The following RABGAP1L variants were observed in gnomAD, a reference collection of about 807,000 sequenced individuals.
RABGAP1L encodes rab GTPase-activating protein 1-like.
A neutral mutation model predicts 137.7 loss-of-function variants in RABGAP1L; 63 were observed. The ratio of observed to expected loss-of-function variants is 0.46; its 90% CI spans 0.37 to 0.56. The LOEUF (loss-of-function observed/expected upper bound fraction) is 0.56, where lower values mean the gene tolerates loss of function less well. Ranked by LOEUF, RABGAP1L falls within the 20% of genes least tolerant of loss-of-function variation. RABGAP1L has a pLI of 0.00. For missense variants in RABGAP1L, 1,095 were observed against 1,244.0 expected (o/e 0.88, Z 1.80); for synonymous variants, 431 against 433.7 (o/e 0.99, Z 0.08).
chr1:174,359,969 A>G (rs1318599641), intron 11 of RABGAP1L, among the ~76,000 whole-genome samples: 2 of 152,096 alleles, frequency 1.3e-5, no homozygotes, highest in African/African-American at 2.4e-5. Context: ...TTTCCATCCA[A>G]CTGTTTGGCC....
intron 13 of RABGAP1L, among the ~76,000 whole-genome samples, chr1:174,434,153 C>CACT (rs1400714615): frequency 8.4e-5 from 9 of 106,668 alleles, no homozygotes; most frequent in Admixed American, 8.1e-4. Flanking sequence ...ACACACACAC[C>CACT]CTGCCTGGGG....
chr1:174,318,838 CT>C (rs1679671322), intron 11 of RABGAP1L, among the ~76,000 whole-genome samples: 1 of 151,736 alleles, frequency 6.6e-6, no homozygotes, highest in African/African-American at 2.4e-5. Context: ...GCTTAACTAA[CT>C]GCATTAAAAA....
In RABGAP1L at chr1:174,612,338, G is replaced by C. The variant is rs1671332926; in HGVS notation, c.1711-25037G>C. 3.3e-5 allele frequency among the ~76,000 whole-genome samples: 5 copies of C among 152,160 alleles called. 1 individual carries two copies. In the South Asian group the frequency reaches 1.0e-3, roughly 32 times the overall value. On this transcript the variant is annotated intron_variant, in intron 13 of 25. Transcript: ENST00000681986. Reference sequence around the variant, plus strand: ...TCATGTGATTTTTATCTTTGGTTCTGTTTATATGCTGGATTACATTTATTG... The same window carrying C: ...TCATGTGATTTTTATCTTTGGTTCTCTTTATATGCTGGATTACATTTATTG...
chr1:174,240,565 T>C (rs1000623316), intron 4 of RABGAP1L, among the ~76,000 whole-genome samples: 1 of 152,156 alleles, frequency 6.6e-6, no homozygotes, highest in African/African-American at 2.4e-5. Context: ...AGGATTTGTG[T>C]AGGGAAAGTC....
intron 10 of RABGAP1L, among the ~76,000 whole-genome samples, chr1:174,297,699 G>A (rs1677257423): frequency 6.6e-6 from 1 of 152,142 alleles, no homozygotes; most frequent in South Asian, 2.1e-4. Flanking sequence ...CAGCAGAAGG[G>A]GCCATCGTCA....
intron 13 of RABGAP1L, among the ~76,000 whole-genome samples, chr1:174,465,040 T>G (rs1056080802): frequency 2.0e-5 from 3 of 152,156 alleles, no homozygotes; most frequent in Non-Finnish European, 4.4e-5. Flanking sequence ...TGTCCACCAT[T>G]TGATCCCATG....
At chr1:174,700,044 C>G (rs1679532082) in intron 16 of RABGAP1L, among the ~76,000 whole-genome samples, 1 of 151,912 alleles carries the variant, frequency 6.6e-6, no homozygotes, top group Non-Finnish European at 1.5e-5. Context: ...CTTGGAAAAG[C>G]CAGAAAGATA....
intron 11 of RABGAP1L, among the ~76,000 whole-genome samples, chr1:174,326,876 T>C (rs1481352837): frequency 1.3e-5 from 2 of 152,074 alleles, no homozygotes; most frequent in Non-Finnish European, 2.9e-5. Context: ...ACCTGACAGA[T>C]GAGAATGAGT....
At chr1:174,396,975 CAA>C (rs35904728) in intron 13 of RABGAP1L, among the ~76,000 whole-genome samples, 8 of 93,136 alleles carry the variant, frequency 8.6e-5, no homozygotes, top group Admixed American at 1.1e-4. Context: ...GCTGTCTCTA[CAA>C]AAAAAAAAAA....
intron 17 of RABGAP1L, among the ~76,000 whole-genome samples, chr1:174,726,431 T>G (rs1681987813): frequency 6.6e-6 from 1 of 151,980 alleles, no homozygotes; most frequent in African/African-American, 2.4e-5. Context: ...TTTTATAAAT[T>G]AGGGTACATC....
chr1:174,556,052 C>T (rs1666861780), intron 13 of RABGAP1L, among the ~76,000 whole-genome samples: 1 of 142,552 alleles, frequency 7.0e-6, no homozygotes, highest in Non-Finnish European at 1.5e-5. Context: ...GGCTAGAGTG[C>T]AGTGGCGCGA....
intron 3 of RABGAP1L, among the ~76,000 whole-genome samples, chr1:174,223,244 C>CGTG (rs1553255283): frequency 1.8e-5 from 2 of 113,116 alleles, no homozygotes; most frequent in Non-Finnish European, 3.4e-5. Flanking sequence ...CTCCAGCCTG[C>CGTG]GTGACAGTGA....
intron 13 of RABGAP1L, among the ~76,000 whole-genome samples, chr1:174,449,920 C>T (rs1655240184): frequency 6.6e-6 from 1 of 152,012 alleles, no homozygotes; most frequent in Admixed American, 6.6e-5. Context: ...TGATCTGCAT[C>T]CATTGGTACC....
intron 11 of RABGAP1L, among the ~76,000 whole-genome samples, chr1:174,337,061 A>C (rs980154272): frequency 1.2e-4 from 18 of 151,846 alleles, no homozygotes; most frequent in Non-Finnish European, 8.8e-5. Context: ...TTTGTTTTCT[A>C]TTGCTGCATA....
chr1:174,246,359 A>T (rs999378487), intron 5 of RABGAP1L: 3 of 152,146 alleles, frequency 2.0e-5, no homozygotes, highest in African/African-American at 7.2e-5. Context: ...CCCATTCAAG[A>T]CTATTTGTGT....
chr1:174,694,669 T>A (rs1424237642), intron 15 of RABGAP1L, among the ~76,000 whole-genome samples: 6 of 152,024 alleles, frequency 3.9e-5, no homozygotes, highest in African/African-American at 1.4e-4. Flanking sequence ...TACGTGTGTA[T>A]GTGTCTTTAT....
At chr1:174,418,172 G>A (rs1479440358) in intron 13 of RABGAP1L, among the ~76,000 whole-genome samples, 1 of 152,128 alleles carries the variant, frequency 6.6e-6, no homozygotes, top group Non-Finnish European at 1.5e-5. Flanking sequence ...TGTATGTGAG[G>A]CAATGGATGA....
intron 13 of RABGAP1L, among the ~76,000 whole-genome samples, chr1:174,607,362 G>T (rs1670865851): frequency 6.6e-6 from 1 of 152,144 alleles, no homozygotes; most frequent in Non-Finnish European, 1.5e-5. Context: ...TCTACGGGCA[G>T]TGGTCCTGTG....
chr1:174,643,693 T>C (rs1372872535), intron 14 of RABGAP1L, among the ~76,000 whole-genome samples: 1 of 152,098 alleles, frequency 6.6e-6, no homozygotes, highest in African/African-American at 2.4e-5. Flanking sequence ...ATAAAGAAGG[T>C]ACCAAATTTG....
Sources: allele counts gnomAD v4.1 joint callset (sites outside exome capture counted in the v4.1 genomes callset), GRCh38; gene constraint gnomAD v4.1.1; transcripts MANE v1.5; gene names NCBI Gene and HGNC (gene_info 2026-07-23, HGNC 2026-07-21).